The following PLD1 variants were observed in gnomAD, a reference collection of about 807,000 sequenced individuals.
The protein encoded by PLD1 is phospholipase D1, also known as choline phosphatase 1.
PLD1 carries 112 observed loss-of-function variants against 137.1 expected under a neutral mutation model. That is an observed-to-expected ratio of 0.82 (90% CI 0.70 to 0.96). PLD1 has a LOEUF of 0.96. PLD1 is among the 40% of genes least tolerant of loss of function. PLD1 has a pLI of 0.00. For missense variants in PLD1, 1,321 were observed against 1,342.0 expected (o/e 0.98, Z 0.24); for synonymous variants, 431 against 454.7 (o/e 0.95, Z 0.66).
intron 21 of PLD1, chr3:171,654,048 A>AG: frequency 2.6e-6 from 1 of 384,550 alleles, no homozygotes; most frequent in South Asian, 1.9e-5. Flanking sequence ...AAGAAGCATG[A>AG]GGGGCACTTT....
chr3:171,773,475 A>C (rs578110381), intron 1 of PLD1, among the ~76,000 whole-genome samples: 2 of 151,970 alleles, frequency 1.3e-5, no homozygotes, highest in Non-Finnish European at 2.9e-5. Flanking sequence ...GGAGTAGTGC[A>C]CCTATAATCC....
At chr3:171,728,252 G>A (rs1015294352) in intron 6 of PLD1, among the ~76,000 whole-genome samples, 49 of 152,310 alleles carry the variant, frequency 3.2e-4, no homozygotes, top group African/African-American at 1.2e-3. Flanking sequence ...GGAGGCAGAG[G>A]TTGCAGTGAG....
intron 12 of PLD1, among the ~76,000 whole-genome samples, chr3:171,695,439 A>G (rs1715597093): frequency 6.6e-6 from 1 of 152,222 alleles, no homozygotes; most frequent in Admixed American, 6.5e-5. Context: ...AACTCAGCTG[A>G]CCCAAAGTTT....
chr3:171,676,812 G>A lies in PLD1; in HGVS notation c.2018C>T (p.Thr673Met), dbSNP rs143178237. The change falls in exon 18 of 27, where the codon ACG becomes ATG. Residue 673 changes from threonine (T) to methionine (M), a missense_variant. Transcript: ENST00000351298. The part of the protein sequence containing the change: ...PFADFIDRYS[T>M]PRMPWHDIAS... ...AATGTCATGCCAGGGCATCCGGGGC[G>A]TGGAGTACCTGTCAATGAAATCTGC... 5.7e-5 allele frequency: 92 copies of A among 1,613,866 alleles called. No individual in the cohort carries two copies. In the African/African-American group the frequency reaches 5.7e-4, roughly 10 times the overall value.
intron 6 of PLD1, among the ~76,000 whole-genome samples, chr3:171,727,255 C>T (rs1718587107): frequency 6.6e-6 from 1 of 152,106 alleles, no homozygotes; most frequent in Non-Finnish European, 1.5e-5. Context: ...TCCAAGATCA[C>T]ATAGTTAAGA....
At chr3:171,744,403 A>T (rs1719992665) in intron 1 of PLD1, among the ~76,000 whole-genome samples, 1 of 152,098 alleles carries the variant, frequency 6.6e-6, no homozygotes, top group Admixed American at 6.5e-5. Context: ...GCTTGCTATT[A>T]TGTCTATGGT....
At chr3:171,755,059 CCTT>C (rs959135479) in intron 1 of PLD1, among the ~76,000 whole-genome samples, 2 of 152,122 alleles carry the variant, frequency 1.3e-5, no homozygotes, top group African/African-American at 2.4e-5. Flanking sequence ...GCTTGTATGT[CCTT>C]CTTTTGCAGT....
In PLD1 at chr3:171,726,088, C is replaced by A. The variant is rs760890937; in HGVS notation, c.607-12G>T. 10 of 1,595,556 alleles carry A rather than the reference C, an allele frequency of 6.3e-6. No individual in the cohort carries two copies. Among genetic ancestry groups the A allele is most frequent in the East Asian group, 2.2e-5 (1 of 44,788 alleles). On this transcript the variant is annotated splice_polypyrimidine_tract_variant and intron_variant, in intron 6 of 26. Transcript: ENST00000351298. ...TCAAGAAACTCTGTCTGAAAAGAAG[C>A]AAAAAATCCATCTTTAGCAAGCAAA...
intron 1 of PLD1, among the ~76,000 whole-genome samples, chr3:171,756,551 G>A (rs1427233134): frequency 6.6e-6 from 1 of 152,168 alleles, no homozygotes; most frequent in Non-Finnish European, 1.5e-5. Context: ...TGAGGTTCGG[G>A]GGGAAGAAAG....
chr3:171,711,881 G>C (rs780729779), intron 9 of PLD1, among the ~76,000 whole-genome samples: 9 of 147,076 alleles, frequency 6.1e-5, no homozygotes, highest in Non-Finnish European at 1.2e-4. Flanking sequence ...TTAATGCCAA[G>C]TGTCAGAATT....
chr3:171,767,004 AC>A (rs1423745282), intron 1 of PLD1, among the ~76,000 whole-genome samples: 2 of 152,200 alleles, frequency 1.3e-5, no homozygotes, highest in Non-Finnish European at 2.9e-5. Context: ...TTGGTTATCC[AC>A]TAAACTTAAG....
intron 1 of PLD1, chr3:171,789,502 G>A (rs989298274): frequency 3.9e-5 from 6 of 152,184 alleles, no homozygotes; most frequent in Non-Finnish European, 8.8e-5. Flanking sequence ...CCTCAGATAA[G>A]AGCCCCTTTG....
rs570685233 is a variant in PLD1 at position 171,773,623 on chromosome 3, A to T, written c.-31-35541T>A. Among the ~76,000 whole-genome samples the T allele has an allele frequency of 1.7e-3, 264 of 152,038 alleles. 8 individuals are homozygous for T. In the South Asian group the frequency reaches 0.045, roughly 26 times the overall value. On this transcript the variant is annotated intron_variant, in intron 1 of 26. Coordinates refer to ENST00000351298, the MANE Select transcript of PLD1 (RefSeq NM_002662.5). ...TCTCAAAAAACAAAACAAAACAAAC[A>T]AACTAACTAAAATGAATAAGGATAG...
chr3:171,764,645 T>G (rs541763982), intron 1 of PLD1, among the ~76,000 whole-genome samples: 5 of 151,578 alleles, frequency 3.3e-5, no homozygotes, highest in Admixed American at 1.3e-4. Flanking sequence ...ACTGACAGAG[T>G]TCATTTGGTC....
intron 1 of PLD1, among the ~76,000 whole-genome samples, chr3:171,782,077 C>T (rs1722815057): frequency 6.6e-6 from 1 of 152,224 alleles, no homozygotes. Flanking sequence ...GACTGATACA[C>T]ATGATATGAA....
chr3:171,711,647 T>C (rs924476394), intron 9 of PLD1, among the ~76,000 whole-genome samples: 2 of 152,036 alleles, frequency 1.3e-5, no homozygotes, highest in African/African-American at 4.8e-5. Context: ...GGGACTCTCT[T>C]GCTTCCACAG....
chr3:171,626,798 A>C (rs1286296452), intron 23 of PLD1, among the ~76,000 whole-genome samples: 1 of 152,210 alleles, frequency 6.6e-6, no homozygotes, highest in East Asian at 1.9e-4. Context: ...AGACAAGCAA[A>C]TGCTGAGACA....
chr3:171,733,807 A>G (rs572191074), intron 5 of PLD1, among the ~76,000 whole-genome samples: 3 of 152,276 alleles, frequency 2.0e-5, no homozygotes, highest in East Asian at 1.9e-4. Flanking sequence ...AGGACTTGCT[A>G]TAAGTTGTTT....
At chr3:171,670,931 T>C (rs530927323) in intron 19 of PLD1, among the ~76,000 whole-genome samples, 24 of 152,210 alleles carry the variant, frequency 1.6e-4, no homozygotes, top group Admixed American at 8.5e-4. Flanking sequence ...GAGGATTAAA[T>C]AGAAAGTCAT....
Sources: allele counts gnomAD v4.1 joint callset (sites outside exome capture counted in the v4.1 genomes callset), GRCh38; gene constraint gnomAD v4.1.1; transcripts MANE v1.5; gene names NCBI Gene and HGNC (gene_info 2026-07-23, HGNC 2026-07-21).